The following MAP4K3 variants were observed in gnomAD, a reference collection of about 807,000 sequenced individuals.
MAP4K3 encodes the protein mitogen-activated protein kinase kinase kinase kinase 3, also known as MAPK/ERK kinase kinase kinase 3.
In MAP4K3, 94 loss-of-function variants were observed where a neutral mutation model predicts 143.5. The ratio of observed to expected loss-of-function variants is 0.65; its 90% confidence interval spans 0.55 to 0.78. MAP4K3 has a LOEUF of 0.78. MAP4K3 is among the 30% of genes least tolerant of loss of function. The pLI is 0.00. For synonymous variants in MAP4K3, 416 were observed against 347.2 expected (o/e 1.20, Z -2.20); for missense variants, 1,077 against 1,068.1 (o/e 1.01, Z -0.12).
chr2:39,302,806 C>G (rs1300336726), intron 15 of MAP4K3, among the ~76,000 whole-genome samples: 2 of 152,118 alleles, frequency 1.3e-5, no homozygotes, highest in African/African-American at 4.8e-5. Flanking sequence ...CATGCAATAA[C>G]CTAGTATAGA....
chr2:39,384,625 T>C (rs1420028843), intron 1 of MAP4K3, among the ~76,000 whole-genome samples: 1 of 152,212 alleles, frequency 6.6e-6, no homozygotes, highest in African/African-American at 2.4e-5. Flanking sequence ...ATGATCTGTA[T>C]CTGCAATATC....
intron 16 of MAP4K3, chr2:39,294,142 C>G (rs891006502): frequency 7.2e-5 from 11 of 152,074 alleles, no homozygotes; most frequent in African/African-American, 2.4e-4. Flanking sequence ...AGAGAGTCAG[C>G]AAAAGTTTTA....
At chr2:39,389,381 A>C (rs879405217) in intron 1 of MAP4K3, among the ~76,000 whole-genome samples, 2 of 152,148 alleles carry the variant, frequency 1.3e-5, no homozygotes, top group Admixed American at 6.5e-5. Flanking sequence ...CCAATATTTC[A>C]AGACACCATG....
intron 28 of MAP4K3, 48 bp downstream of exon 28, chr2:39,265,155 T>C: frequency 8.2e-7 from 1 of 1,223,682 alleles, no homozygotes; most frequent in Non-Finnish European, 1.2e-6. Flanking sequence ...ACAGTAAGGT[T>C]GACAAGCTTT....
At chr2:39,324,643 T>C (rs1216392755) in intron 12 of MAP4K3, among the ~76,000 whole-genome samples, 1 of 152,128 alleles carries the variant, frequency 6.6e-6, no homozygotes, top group East Asian at 1.9e-4. Flanking sequence ...CTTCAGTCAT[T>C]AATGAAATTT....
chr2:39,387,570 C>T (rs1156626864), intron 1 of MAP4K3, among the ~76,000 whole-genome samples: 5 of 152,366 alleles, frequency 3.3e-5, no homozygotes, highest in African/African-American at 1.2e-4. Context: ...ATGTAACTCA[C>T]TGTGAAACCA....
Position 39,395,607 on chromosome 2 carries a change from C to T in MAP4K3, c.97-17484G>A, listed in dbSNP as rs140723699. ...TGTTCTTTTGGGATGAATGTAATTT[C>T]CCAAATATAAGACACTCCTGTTATC... On this transcript the variant is annotated intron_variant, in intron 1 of 33. Transcript: ENST00000263881. 1.2e-4 allele frequency among the ~76,000 whole-genome samples: 19 copies of T among 152,256 alleles called. No individual in the cohort carries two copies. The South Asian group carries it at 1.9e-3, about 15-fold the overall frequency.
At chr2:39,390,301 G>C (rs1218464683) in intron 1 of MAP4K3, among the ~76,000 whole-genome samples, 1 of 152,096 alleles carries the variant, frequency 6.6e-6, no homozygotes, top group Non-Finnish European at 1.5e-5. Context: ...CCTACACTGA[G>C]AAATACGGTA....
At chr2:39,262,570 AAC>A (rs1343994763) in intron 28 of MAP4K3, among the ~76,000 whole-genome samples, 1 of 152,252 alleles carries the variant, frequency 6.6e-6, no homozygotes, top group Non-Finnish European at 1.5e-5. Context: ...TTTAAAAAAA[AAC>A]ACAACAGATT....
At chr2:39,339,185 A>C (rs1665070997) in intron 4 of MAP4K3, among the ~76,000 whole-genome samples, 1 of 152,174 alleles carries the variant, frequency 6.6e-6, no homozygotes, top group Non-Finnish European at 1.5e-5. Context: ...ACAATTATGA[A>C]AGAGAGAAAT....
intron 3 of MAP4K3, among the ~76,000 whole-genome samples, chr2:39,345,846 C>T (rs868704519): frequency 2.2e-5 from 3 of 139,084 alleles, no homozygotes; most frequent in South Asian, 2.4e-4. Context: ...GGCATGAACC[C>T]GGGAGGCGGA....
At chr2:39,375,608 T>C (rs919767113) in intron 2 of MAP4K3, among the ~76,000 whole-genome samples, 12 of 152,234 alleles carry the variant, frequency 7.9e-5, no homozygotes, top group Admixed American at 7.9e-4. Flanking sequence ...GTTACGTATC[T>C]TTAATAATTT....
At chr2:39,278,914 A>G (rs180770064) in intron 23 of MAP4K3, among the ~76,000 whole-genome samples, 1 of 152,176 alleles carries the variant, frequency 6.6e-6, no homozygotes, top group African/African-American at 2.4e-5. Flanking sequence ...ACTCTAATTT[A>G]AAAAACCCCA....
intron 28 of MAP4K3, among the ~76,000 whole-genome samples, chr2:39,264,984 C>G (rs571623478): frequency 1.3e-5 from 2 of 152,238 alleles, no homozygotes; most frequent in East Asian, 3.9e-4. Flanking sequence ...ATTTCCAGCT[C>G]CCCACCGCCA....
intron 15 of MAP4K3, among the ~76,000 whole-genome samples, chr2:39,300,091 A>G (rs994805538): frequency 2.0e-5 from 3 of 152,134 alleles, no homozygotes; most frequent in Non-Finnish European, 4.4e-5. Context: ...TAGAAAGAAA[A>G]AAGCTCAAAT....
intron 1 of MAP4K3, among the ~76,000 whole-genome samples, chr2:39,389,487 A>G (rs146804823): frequency 2.4e-3 from 366 of 152,288 alleles, no homozygotes; most frequent in Non-Finnish European, 3.8e-3. Context: ...ACATCTAGAC[A>G]CACTACATGA....
At chr2:39,259,528 C>A (rs1164969167) in intron 29 of MAP4K3, among the ~76,000 whole-genome samples, 1 of 152,092 alleles carries the variant, frequency 6.6e-6, no homozygotes, top group South Asian at 2.1e-4. Context: ...CAGGTATACA[C>A]CACTTAAAAA....
At chr2:39,431,824 G>A (rs1665298737) in intron 1 of MAP4K3, among the ~76,000 whole-genome samples, 1 of 152,160 alleles carries the variant, frequency 6.6e-6, no homozygotes, top group African/African-American at 2.4e-5. Flanking sequence ...CCATTTTACA[G>A]CTGAGGAAAC....
chr2:39,290,573 C>T (rs1322727088), intron 18 of MAP4K3, among the ~76,000 whole-genome samples: 1 of 151,826 alleles, frequency 6.6e-6, no homozygotes, highest in Non-Finnish European at 1.5e-5. Context: ...TTAAACACCG[C>T]ATGATCTTAC....
Sources: gnomAD v4.1 joint callset for allele counts (sites outside exome capture counted in the v4.1 genomes callset) on GRCh38, gnomAD v4.1.1 for gene constraint, MANE v1.5 for transcripts, NCBI Gene and HGNC (gene_info 2026-07-23, HGNC 2026-07-21) for gene names.